The following KALRN variants were observed in gnomAD, a reference collection of about 807,000 sequenced individuals.
The protein encoded by KALRN is kalirin.
A neutral mutation model predicts 353.7 loss-of-function variants in KALRN; 70 were observed. That is an observed-to-expected ratio of 0.20 (90% CI 0.16 to 0.24). KALRN has a LOEUF of 0.24. KALRN is among the 10% of genes least tolerant of loss of function. The probability of loss-of-function intolerance (pLI) is 1.00; values close to 1 mark genes in which losing one functional copy is unlikely to be tolerated. For synonymous variants in KALRN, 1,391 were observed against 1,434.8 expected (o/e 0.97, Z 0.69); for missense variants, 2,791 against 3,756.7 (o/e 0.74, Z 6.72).
At chr3:124,499,584 G>A (rs1039865276) in intron 33 of KALRN, among the ~76,000 whole-genome samples, 14 of 152,170 alleles carry the variant, frequency 9.2e-5, no homozygotes, top group African/African-American at 3.4e-4. Flanking sequence ...CTGTCAGCAG[G>A]TTCTTCTCTG....
chr3:124,361,094 G>C (rs1440268152), intron 10 of KALRN, among the ~76,000 whole-genome samples: 2 of 152,072 alleles, frequency 1.3e-5, no homozygotes, highest in African/African-American at 4.8e-5. Context: ...TTCCAGATGA[G>C]GAATCAGGCT....
intron 1 of KALRN, among the ~76,000 whole-genome samples, chr3:124,203,886 A>AT (rs991886833): frequency 2.6e-5 from 4 of 152,162 alleles, no homozygotes; most frequent in Non-Finnish European, 4.4e-5. Context: ...TTATACATGG[A>AT]TTTTTTCAAC....
intron 11 of KALRN, among the ~76,000 whole-genome samples, chr3:124,393,056 C>G (rs900764748): frequency 6.6e-6 from 1 of 151,810 alleles, no homozygotes; most frequent in African/African-American, 2.4e-5. Flanking sequence ...ACCTCTGCCT[C>G]CTGGGTTCAA....
chr3:124,034,148 G>A (rs920666163), intron 1 of KALRN, among the ~76,000 whole-genome samples: 1 of 151,934 alleles, frequency 6.6e-6, no homozygotes, highest in African/African-American at 2.4e-5. Context: ...GCGCCGCTCC[G>A]GCTACCGGCG....
In KALRN at chr3:124,561,156, A is replaced by T. The variant is rs116936029; in HGVS notation, c.4936-1687A>T. Among the ~76,000 whole-genome samples the T allele has an allele frequency of 1.2e-3, 186 of 152,290 alleles. 2 individuals carry two copies. In the East Asian group the frequency reaches 0.026, roughly 21 times the overall value. On this transcript the variant is annotated intron_variant, in intron 33 of 59. Transcript: ENST00000682506. ...TGCTAACTGTAAAAGTACTCTAGAG[A>T]TTTGAGGTGTTTCCATCCCACAAAA... is the stretch of plus-strand genomic sequence containing the variant.
At chr3:124,173,100 TG>T (rs1291896396) in intron 1 of KALRN, among the ~76,000 whole-genome samples, 1 of 151,532 alleles carries the variant, frequency 6.6e-6, no homozygotes, top group African/African-American at 2.4e-5. Context: ...GATTGGTGAT[TG>T]GGGGGTGGGG....
intron 1 of KALRN, among the ~76,000 whole-genome samples, chr3:124,069,859 AG>A (rs1484049034): frequency 6.6e-6 from 1 of 152,126 alleles, no homozygotes; most frequent in Non-Finnish European, 1.5e-5. Flanking sequence ...TAGGCCTGGA[AG>A]GATGAATTTG....
intron 9 of KALRN, among the ~76,000 whole-genome samples, chr3:124,341,036 G>C (rs1374855347): frequency 2.6e-5 from 4 of 152,206 alleles, no homozygotes; most frequent in African/African-American, 9.6e-5. Flanking sequence ...GTGCTGAAAG[G>C]CATTGCATCT....
chr3:124,578,767 A>T (rs1002490085), intron 34 of KALRN, among the ~76,000 whole-genome samples: 10 of 40,202 alleles, frequency 2.5e-4, no homozygotes, highest in Admixed American at 5.9e-4. Flanking sequence ...AACTCCATTT[A>T]AAAAAAAAAA....
chr3:124,384,801 G>T, intron 10 of KALRN, 44 bp from the exon 11 acceptor site: 1 of 1,530,466 alleles, frequency 6.5e-7, no homozygotes, highest in African/African-American at 1.4e-5. Flanking sequence ...GCTGCTGGAA[G>T]GCGCGACTGC....
At chr3:124,433,418 A>G (rs1169433766) in intron 16 of KALRN, among the ~76,000 whole-genome samples, 1 of 151,752 alleles carries the variant, frequency 6.6e-6, no homozygotes, top group Middle Eastern at 3.4e-3. Flanking sequence ...GCAAGATCCC[A>G]TTTCTACAAA....
At chr3:124,074,429 A>G (rs533554620) in intron 1 of KALRN, among the ~76,000 whole-genome samples, 12 of 152,368 alleles carry the variant, frequency 7.9e-5, no homozygotes, top group Middle Eastern at 3.4e-3. Context: ...TAGTCTAGTC[A>G]GAAGCATTTT....
chr3:124,181,076 C>CAAAAAAAAAAAAAAAAAAA (rs60579271), intron 1 of KALRN, among the ~76,000 whole-genome samples: 3 of 55,272 alleles, frequency 5.4e-5, no homozygotes, highest in Admixed American at 2.7e-4. Flanking sequence ...ACTAAAAATA[C>CAAAAAAAAAAAAAAAAAAA]AAAAAAAAAA....
intron 1 of KALRN, among the ~76,000 whole-genome samples, chr3:124,057,400 C>G (rs1292186213): frequency 6.6e-6 from 1 of 152,034 alleles, no homozygotes; most frequent in East Asian, 1.9e-4. Context: ...TGGCCAGAGT[C>G]AGCAAGGGGC....
intron 13 of KALRN, among the ~76,000 whole-genome samples, chr3:124,400,038 T>C (rs2090663305): frequency 1.3e-5 from 2 of 152,202 alleles, no homozygotes; most frequent in Admixed American, 1.3e-4. Flanking sequence ...TTAACTTTGT[T>C]TTCCATTCCA....
In KALRN at chr3:124,160,339, A is replaced by G. The variant is rs376435734; in HGVS notation, c.74-67651A>G. On this transcript the variant is annotated intron_variant, in intron 1 of 59. Coordinates refer to ENST00000682506, the MANE Select transcript of KALRN (RefSeq NM_001388419.1). ...ATGTGCAGGAGGGAGAAATCACATC[A>G]GATGGGATCTCTTGAATGTTCACGT... Among the ~76,000 whole-genome samples, 6 of 152,186 alleles carry G rather than the reference A, an allele frequency of 3.9e-5. No homozygotes were observed. The South Asian group carries it at 8.3e-4, about 21-fold the overall frequency.
intron 1 of KALRN, among the ~76,000 whole-genome samples, chr3:124,039,074 T>G (rs2039699603): frequency 6.6e-6 from 1 of 152,214 alleles, no homozygotes; most frequent in Non-Finnish European, 1.5e-5. Context: ...AGCACTACTT[T>G]CATCACACCA....
chr3:124,368,169 C>G (rs1301930470), intron 10 of KALRN, among the ~76,000 whole-genome samples: 1 of 65,530 alleles, frequency 1.5e-5, no homozygotes, highest in Non-Finnish European at 2.9e-5. Flanking sequence ...TCCCGGACAG[C>G]ACGGCTGGCC....
intron 1 of KALRN, among the ~76,000 whole-genome samples, chr3:124,058,435 G>A (rs575748203): frequency 5.3e-5 from 8 of 152,186 alleles, no homozygotes; most frequent in East Asian, 1.9e-4. Context: ...CTTTCTGGCC[G>A]CAAGCAGAAC....
Sources: gnomAD v4.1 joint callset for allele counts (sites outside exome capture counted in the v4.1 genomes callset) on GRCh38, gnomAD v4.1.1 for gene constraint, MANE v1.5 for transcripts, NCBI Gene and HGNC (gene_info 2026-07-23, HGNC 2026-07-21) for gene names.